Variants in LRP6 observed in about 807,000 individuals in gnomAD.
The protein encoded by LRP6 is low-density lipoprotein receptor-related protein 6.
LRP6 carries 43 observed loss-of-function variants against 184.1 expected under a neutral mutation model. The observed-to-expected ratio is 0.23, with a 90% CI of 0.18 to 0.30. The LOEUF is 0.30. LRP6 is among the 10% of genes least tolerant of loss of function. The pLI, the probability that LRP6 is intolerant of heterozygous loss-of-function variation, is 1.00. For synonymous variants in LRP6, 719 were observed against 684.9 expected (o/e 1.05, Z -0.78); for missense variants, 1,571 against 2,005.3 (o/e 0.78, Z 4.14).
In LRP6 at chr12:12,229,385, AAAGAAG is replaced by A. The variant is rs1213087844; in HGVS notation, c.449+14871_449+14876del. On this transcript the variant is annotated intron_variant, in intron 2 of 22. Coordinates refer to ENST00000261349, the MANE Select transcript of LRP6 (RefSeq NM_002336.3). ...AACTCCATTTCAAAAAAAAAAAAAA[AAAGAAG>A]AAGAAGAAGAATATCTCACACTGAG... Among the ~76,000 whole-genome samples, 118 of 101,516 alleles carry A rather than the reference AAAGAAG, an allele frequency of 1.2e-3. 2 individuals are homozygous for A. Among genetic ancestry groups the A allele is most frequent in the African/African-American group, 2.4e-3 (73 of 30,610 alleles). 66.6% of individuals were successfully genotyped at this position (101,516 alleles called of 152,430 possible). A position where few individuals can be genotyped will look rare whatever the true frequency, so the allele number is the denominator to read the frequency against.
chr12:12,230,074 T>G (rs1468619709), intron 2 of LRP6, among the ~76,000 whole-genome samples: 1 of 152,248 alleles, frequency 6.6e-6, no homozygotes, highest in Non-Finnish European at 1.5e-5. Flanking sequence ...CATATTCATT[T>G]GTAATGCTTT....
At chr12:12,222,416 A>T (rs980354766) in intron 2 of LRP6, among the ~76,000 whole-genome samples, 2 of 151,874 alleles carry the variant, frequency 1.3e-5, no homozygotes, top group Non-Finnish European at 2.9e-5. Context: ...AAATACAAAA[A>T]AATTAGCCGG....
intron 2 of LRP6, among the ~76,000 whole-genome samples, chr12:12,236,595 T>A (rs553040368): frequency 1.3e-5 from 2 of 152,266 alleles, no homozygotes; most frequent in South Asian, 4.2e-4. Context: ...AGTAACGGGC[T>A]CGGTCCTAAA....
intron 9 of LRP6, among the ~76,000 whole-genome samples, chr12:12,163,880 T>G (rs1453947217): frequency 6.6e-6 from 1 of 152,186 alleles, no homozygotes; most frequent in East Asian, 1.9e-4. Flanking sequence ...ACGCCTGTAA[T>G]CCCAGCACTT....
chr12:12,211,388 G>C (rs1864207243), intron 2 of LRP6, among the ~76,000 whole-genome samples: 1 of 152,180 alleles, frequency 6.6e-6, no homozygotes, highest in Admixed American at 6.5e-5. Flanking sequence ...GTTGCAATGA[G>C]CCGAGATCGT....
At chr12:12,179,732 T>C (rs1405181061) in intron 7 of LRP6, 78 bp downstream of exon 7, 4 of 1,481,166 alleles carry the variant, frequency 2.7e-6, no homozygotes, top group Non-Finnish European at 3.7e-6. Context: ...AAAAAGAATA[T>C]CTGTACTCAA....
chr12:12,185,922 T>G (rs1437518101), intron 4 of LRP6, among the ~76,000 whole-genome samples: 1 of 151,072 alleles, frequency 6.6e-6, no homozygotes, highest in Non-Finnish European at 1.5e-5. Flanking sequence ...CTTGGCTCAC[T>G]GCAACCTCTG....
At chr12:12,185,165 G>A (rs1863438559) in intron 4 of LRP6, among the ~76,000 whole-genome samples, 1 of 152,022 alleles carries the variant, frequency 6.6e-6, no homozygotes, top group African/African-American at 2.4e-5. Flanking sequence ...CAGGTGTGGT[G>A]GCATATGCCT....
chr12:12,193,233 C>T (rs1179046539), intron 3 of LRP6, among the ~76,000 whole-genome samples: 4 of 151,148 alleles, frequency 2.6e-5, no homozygotes, highest in Admixed American at 6.6e-5. Flanking sequence ...AATATGGAAA[C>T]GTATATAGAA....
At chr12:12,206,844 A>T (rs1245237002) in intron 2 of LRP6, among the ~76,000 whole-genome samples, 4 of 152,068 alleles carry the variant, frequency 2.6e-5, no homozygotes, top group Non-Finnish European at 5.9e-5. Flanking sequence ...TTTGGGAAAA[A>T]ACTAGAGGAA....
chr12:12,166,817 G>A (rs1426605897), intron 7 of LRP6, among the ~76,000 whole-genome samples: 1 of 152,174 alleles, frequency 6.6e-6, no homozygotes, highest in African/African-American at 2.4e-5. Flanking sequence ...GGAAAATGAG[G>A]CTGGGTATGG....
intron 15 of LRP6, among the ~76,000 whole-genome samples, chr12:12,142,877 T>C (rs1949953786): frequency 6.6e-6 from 1 of 152,156 alleles, no homozygotes; most frequent in Non-Finnish European, 1.5e-5. Flanking sequence ...ACAAAAGTAC[T>C]GAATGCTTCT....
At chr12:12,202,229 C>A (rs924941158) in intron 3 of LRP6, among the ~76,000 whole-genome samples, 1 of 152,244 alleles carries the variant, frequency 6.6e-6, no homozygotes. Context: ...CTACAGCCCA[C>A]AGGCTCATTC....
At chr12:12,192,509 T>C (rs1475542269) in intron 3 of LRP6, among the ~76,000 whole-genome samples, 1 of 152,006 alleles carries the variant, frequency 6.6e-6, no homozygotes, top group African/African-American at 2.4e-5. Context: ...GGTTACACTA[T>C]ATGCTGTTTA....
rs139316088 is a variant in LRP6 at position 12,215,340 on chromosome 12, A to T, written c.450-11940T>A. ...CAAACTGTGCAGAAATAATGAAAAA[A>T]AATAATAAAAATAGTCTGATAAAAA... On this transcript the variant is annotated intron_variant, in intron 2 of 22. Coordinates refer to ENST00000261349, the MANE Select transcript of LRP6 (RefSeq NM_002336.3). Among the ~76,000 whole-genome samples the T allele has an allele frequency of 5.9e-3, 892 of 152,332 alleles. 4 individuals are homozygous for T. The highest frequency in any genetic ancestry group is 0.019 in the African/African-American group (780 of 41,586).
chr12:12,124,788 T>C, intron 21 of LRP6, 126 bp from the exon 22 acceptor site: 1 of 650,840 alleles, frequency 1.5e-6, no homozygotes. Context: ...AATTCTTCTT[T>C]TCCAAAGAAT....
rs1949761873 is a variant in LRP6 at position 12,131,779 on chromosome 12, A to G, written c.3970+42T>C. The G allele has an allele frequency of 2.0e-6, 3 of 1,529,732 alleles. No homozygotes were observed. In the South Asian group the frequency reaches 3.4e-5, roughly 17 times the overall value. 94.8% of individuals were successfully genotyped at this position (1,529,732 alleles called of 1,614,324 possible). The stretch of plus-strand genomic sequence containing the variant: ...ACTGAAGTTTAAACAACTGAATGGG[A>G]AAAAAGGATTGCATGCTGAGGCACT... On this transcript the variant is annotated intron_variant, in intron 18 of 22. Transcript: ENST00000261349.
chr12:12,127,900 T>C (rs1319715181), intron 19 of LRP6, among the ~76,000 whole-genome samples: 1 of 152,204 alleles, frequency 6.6e-6, no homozygotes, highest in Non-Finnish European at 1.5e-5. Context: ...AGTTACATAA[T>C]ATGTAGGGAT....
rs566405415 is a variant in LRP6 at position 12,116,934 on chromosome 12, G to A, written c.*4192C>T. 3.3e-5 allele frequency: 5 copies of A among 152,208 alleles called. No individual in the cohort carries two copies. Among genetic ancestry groups the A allele is most frequent in the East Asian group, 1.9e-4 (1 of 5,184 alleles). 9.4% of individuals were successfully genotyped at this position (152,208 alleles called of 1,614,324 possible). On this transcript the variant is annotated 3_prime_UTR_variant, in exon 23 of 23. Coordinates refer to ENST00000261349, the MANE Select transcript of LRP6 (RefSeq NM_002336.3). ...TCAAGTCAGACAATAGCCTGAGAGT[G>A]TGAATTCACAATACTTATAATTTAA... is the stretch of plus-strand genomic sequence containing the variant.
Sources: allele counts gnomAD v4.1 joint callset (sites outside exome capture counted in the v4.1 genomes callset), GRCh38; gene constraint gnomAD v4.1.1; transcripts MANE v1.5; gene names NCBI Gene and HGNC (gene_info 2026-07-23, HGNC 2026-07-21).